The following TSNARE1 variants were observed in gnomAD, a reference collection of about 807,000 sequenced individuals.
TSNARE1 encodes t-SNARE domain-containing protein 1.
A neutral mutation model predicts 62.0 loss-of-function variants in TSNARE1; 49 were observed. That is an observed-to-expected ratio of 0.79 (90% CI 0.63 to 1.00). The LOEUF (loss-of-function observed/expected upper bound fraction) is 1.00. Ranked by LOEUF, TSNARE1 falls within the 50% of genes least tolerant of loss-of-function variation. TSNARE1 has a pLI of 0.00. For missense variants in TSNARE1, 755 were observed against 700.1 expected, an observed-to-expected ratio of 1.08 and a Z score of -0.88; for synonymous variants, 328 against 294.4, an observed-to-expected ratio of 1.11 and a Z score of -1.17.
chr8:142,243,278 A>AC (rs1817746044), intron 12 of TSNARE1, among the ~76,000 whole-genome samples: 2 of 152,248 alleles, frequency 1.3e-5, no homozygotes, highest in South Asian at 4.1e-4. Context: ...TGAAACCGGT[A>AC]TGTCAAAGGG....
In TSNARE1 at chr8:142,261,962, C is replaced by T. The variant is rs150380422; in HGVS notation, c.1446+12819G>A. Among the ~76,000 whole-genome samples the T allele has an allele frequency of 9.6e-4, 147 of 152,366 alleles. No individual in the cohort carries two copies. In the Middle Eastern group the frequency reaches 0.01, roughly 11 times the overall value. ...GCATCTCCCCAACAGCCACTCCTTCCATCCCACGGCGGGGCCAGCCTGCTC... is the reference window on the plus strand; with the variant it reads ...GCATCTCCCCAACAGCCACTCCTTCTATCCCACGGCGGGGCCAGCCTGCTC... On this transcript the variant is annotated intron_variant, in intron 12 of 13. Transcript: ENST00000524325.
chr8:142,281,360 G>C (rs1180744815), intron 11 of TSNARE1, among the ~76,000 whole-genome samples: 3 of 152,096 alleles, frequency 2.0e-5, no homozygotes, highest in Non-Finnish European at 4.4e-5. Context: ...GGATGAATGG[G>C]TCAGAGCCCT....
chr8:142,258,906 C>T (rs1228170605), intron 12 of TSNARE1, among the ~76,000 whole-genome samples: 2 of 152,216 alleles, frequency 1.3e-5, no homozygotes, highest in African/African-American at 2.4e-5. Context: ...ATGCAGGGCA[C>T]GGTGCCAGAA....
intron 10 of TSNARE1, among the ~76,000 whole-genome samples, chr8:142,288,086 G>A (rs1350834906): frequency 1.3e-5 from 2 of 152,258 alleles, no homozygotes; most frequent in South Asian, 2.1e-4. Context: ...TGTGTCCCTG[G>A]GGGGAAGCAT....
intron 10 of TSNARE1, among the ~76,000 whole-genome samples, chr8:142,292,206 G>A (rs1191224040): frequency 3.9e-5 from 6 of 152,060 alleles, no homozygotes; most frequent in Non-Finnish European, 8.8e-5. Flanking sequence ...AAGCCTTCCC[G>A]AGAGTCTCCA....
At chr8:142,282,407 G>A (rs1431925256) in intron 11 of TSNARE1, among the ~76,000 whole-genome samples, 2 of 149,096 alleles carry the variant, frequency 1.3e-5, no homozygotes, top group Admixed American at 1.3e-4. Flanking sequence ...TGATCAGGGT[G>A]GGGCCAGTGT....
At chr8:142,222,181 T>C (rs1230423018) in intron 13 of TSNARE1, among the ~76,000 whole-genome samples, 1 of 82,718 alleles carries the variant, frequency 1.2e-5, no homozygotes. Flanking sequence ...CACTCACTCA[T>C]CCACTCACTC....
chr8:142,354,936 C>G (rs777071479), intron 1 of TSNARE1, among the ~76,000 whole-genome samples, 173 bp from the exon 2 acceptor site: 2 of 152,168 alleles, frequency 1.3e-5, no homozygotes, highest in South Asian at 2.1e-4. Flanking sequence ...GCAACCCCCC[C>G]ACAGAGCCCC....
At chr8:142,217,577 A>G (rs1056365237) in intron 13 of TSNARE1, among the ~76,000 whole-genome samples, 2 of 152,146 alleles carry the variant, frequency 1.3e-5, no homozygotes, top group East Asian at 3.9e-4. Flanking sequence ...GGTGACTCTG[A>G]CCTACTCACT....
intron 9 of TSNARE1, among the ~76,000 whole-genome samples, chr8:142,313,166 CTG>C (rs528277319): frequency 8.6e-5 from 13 of 152,014 alleles, no homozygotes; most frequent in South Asian, 4.2e-4. Flanking sequence ...ATCTGTGTCT[CTG>C]TGTGTTTATC....
At chr8:142,298,167 A>G (rs534396651) in intron 10 of TSNARE1, among the ~76,000 whole-genome samples, 7 of 152,336 alleles carry the variant, frequency 4.6e-5, no homozygotes, top group Admixed American at 3.9e-4. Context: ...AGTTCAGCCC[A>G]GAGCCCCAGC....
At chr8:142,245,540 G>C (rs1224499028) in intron 12 of TSNARE1, among the ~76,000 whole-genome samples, 2 of 152,132 alleles carry the variant, frequency 1.3e-5, no homozygotes, top group Non-Finnish European at 2.9e-5. Context: ...AAACAAAGCT[G>C]GATGACAAAA....
At chr8:142,304,622 G>A (rs1035679570) in intron 9 of TSNARE1, among the ~76,000 whole-genome samples, 5 of 152,228 alleles carry the variant, frequency 3.3e-5, no homozygotes, top group Non-Finnish European at 7.3e-5. Context: ...AGGGTCCTCA[G>A]CTTCCCTGAG....
rs572369243 is a variant in TSNARE1, at chr8:142,291,106, A to G, written c.1291-6621T>C. ...TGCTGCTCGCCACCCGCTGCTCAGG[A>G]CTGGTGTCCTCAGCTGGGGATTAAG... On this transcript the variant is annotated intron_variant, in intron 10 of 13. Coordinates refer to ENST00000524325, the MANE Select transcript of TSNARE1 (RefSeq NM_145003.5). This position sits in a 1 kb window ranked among gnomAD's most constrained non-coding sequence, Gnocchi z 4.8. Among the ~76,000 whole-genome samples, 4 of 152,050 alleles carry G rather than the reference A, an allele frequency of 2.6e-5. No individual in the cohort carries two copies. The highest frequency in any genetic ancestry group is 9.6e-5 in the African/African-American group (4 of 41,494).
At chr8:142,308,694 G>A (rs886309623) in intron 9 of TSNARE1, among the ~76,000 whole-genome samples, 3 of 152,192 alleles carry the variant, frequency 2.0e-5, no homozygotes, top group African/African-American at 7.2e-5. Flanking sequence ...ATACCTGATA[G>A]TATAAATCCC....
intron 12 of TSNARE1, among the ~76,000 whole-genome samples, chr8:142,259,776 A>G (rs1374251728): frequency 1.3e-5 from 2 of 152,116 alleles, no homozygotes; most frequent in African/African-American, 4.8e-5. Flanking sequence ...GGCTGCTCCC[A>G]GCTCTCAGGA....
At chr8:142,357,898 C>G (rs7831197) in intron 1 of TSNARE1, among the ~76,000 whole-genome samples, 32,050 of 135,950 alleles carry the variant, frequency 0.24, 5,391 homozygotes, top group African/African-American at 0.47. Context: ...ACGAAAGCCA[C>G]GGCGGAGGCT....
At chr8:142,265,468 C>T (rs72687345) in intron 12 of TSNARE1, among the ~76,000 whole-genome samples, 25,011 of 152,114 alleles carry the variant, frequency 0.16, 2,449 homozygotes, top group Middle Eastern at 0.26. Context: ...ACTGTGTGGC[C>T]GTGGCAGTCT....
rs191933294 is a variant in TSNARE1, at chr8:142,345,938, C to T, written c.89-46G>A. 1.6e-3 allele frequency: 2,457 copies of T among 1,580,802 alleles called. 7 individuals are homozygous for T. Among genetic ancestry groups the T allele is most frequent in the Non-Finnish European group, 1.9e-3 (2,170 of 1,159,034 alleles). ...TCACGATTACTCTCAGCTCAGGGCGCTCCTGGCAGTGCCAGGCCCCCATGC... is the reference window on the plus strand; with the variant it reads ...TCACGATTACTCTCAGCTCAGGGCGTTCCTGGCAGTGCCAGGCCCCCATGC... On this transcript the variant is annotated intron_variant, in intron 2 of 13. Coordinates refer to ENST00000524325, the MANE Select transcript of TSNARE1 (RefSeq NM_145003.5).
Sources: allele counts gnomAD v4.1 joint callset (sites outside exome capture counted in the v4.1 genomes callset), GRCh38; gene constraint gnomAD v4.1.1; non-coding constraint Gnocchi (gnomAD v3.1); transcripts MANE v1.5; gene names NCBI Gene and HGNC (gene_info 2026-07-23, HGNC 2026-07-21).